SHISA6: variants seen among roughly 807,000 people sequenced by gnomAD.
The protein encoded by SHISA6 is shisa family member 6.
In SHISA6, 22 loss-of-function variants were observed where a neutral mutation model predicts 47.9. The ratio of observed to expected loss-of-function variants is 0.46; its 90% CI spans 0.33 to 0.66. The LOEUF is 0.66. Ranked by LOEUF, SHISA6 falls within the 30% of genes least tolerant of loss-of-function variation. The pLI, the probability that SHISA6 is intolerant of heterozygous loss-of-function variation, is 0.02. For synonymous variants in SHISA6, 388 were observed against 337.8 expected (o/e 1.15, Z -1.63); for missense variants, 680 against 764.6 (o/e 0.89, Z 1.30).
Position 11,423,255 on chromosome 17 carries a change from A to ATAAT in SHISA6, c.895+43746_895+43747insTAAT, listed in dbSNP as rs1555534323. On this transcript the variant is annotated intron_variant, in intron 3 of 5. Coordinates refer to ENST00000441885, the MANE Select transcript of SHISA6 (RefSeq NM_207386.4). ...TGTGTGTGTGTATATATATATATAT[A>ATAAT]ATATATATATATATGGCAGTAACAT... Among the ~76,000 whole-genome samples the ATAAT allele has an allele frequency of 7.8e-3, 1,121 of 144,000 alleles. 17 individuals carry two copies. The highest frequency in any genetic ancestry group is 0.027 in the African/African-American group (1,064 of 38,928). 94.5% of individuals were successfully genotyped at this position (144,000 alleles called of 152,430 possible). A position where few individuals can be genotyped will look rare whatever the true frequency, so the allele number is the denominator to read the frequency against.
At chr17:11,282,320 A>G (rs569796333) in intron 2 of SHISA6, among the ~76,000 whole-genome samples, 37 of 152,152 alleles carry the variant, frequency 2.4e-4, no homozygotes, top group Admixed American at 2.6e-4. Flanking sequence ...GCGATTCAAC[A>G]AGATCGAAAG....
intron 3 of SHISA6, among the ~76,000 whole-genome samples, chr17:11,430,826 G>T (rs1321173665): frequency 3.3e-5 from 5 of 152,176 alleles, no homozygotes; most frequent in Non-Finnish European, 7.3e-5. Context: ...GAACAGCAAA[G>T]AACACAAAGA....
intron 3 of SHISA6, among the ~76,000 whole-genome samples, chr17:11,475,278 T>C (rs1043899171): frequency 2.0e-5 from 3 of 152,300 alleles, no homozygotes; most frequent in East Asian, 1.9e-4. Flanking sequence ...TTTGTTTCCT[T>C]CTCTTGTCTT....
At position 11,544,743 on chromosome 17, in the gene SHISA6, G is replaced by A. The variant is rs112447196; in HGVS notation, c.896-7153G>A. ...TGGGAGGCCAAGGCGGGTGGATCACGAGGTCAGGAGATTGCGACCATCCTG... is the reference window on the plus strand; with the variant it reads ...TGGGAGGCCAAGGCGGGTGGATCACAAGGTCAGGAGATTGCGACCATCCTG... On this transcript the variant is annotated intron_variant, in intron 3 of 5. Transcript: ENST00000441885. Among the ~76,000 whole-genome samples the A allele has an allele frequency of 4.4e-3, 663 of 152,020 alleles. 3 individuals are homozygous for A. The highest frequency in any genetic ancestry group is 0.015 in the African/African-American group (626 of 41,494).
At chr17:11,290,843 T>C (rs1567562415) in intron 2 of SHISA6, 1 of 152,064 alleles carries the variant, frequency 6.6e-6, no homozygotes, top group South Asian at 2.1e-4. Flanking sequence ...GATACTGATA[T>C]GTGAGGGTTT....
intron 3 of SHISA6, among the ~76,000 whole-genome samples, chr17:11,546,718 G>A (rs563647256): frequency 1.3e-5 from 2 of 152,276 alleles, no homozygotes; most frequent in East Asian, 1.9e-4. Context: ...TCAGGAGTTT[G>A]AGACCAGCCT....
At chr17:11,506,582 T>A (rs1436970074) in intron 3 of SHISA6, among the ~76,000 whole-genome samples, 1 of 152,182 alleles carries the variant, frequency 6.6e-6, no homozygotes, top group Non-Finnish European at 1.5e-5. Context: ...CACGCTATTA[T>A]GATGAGGTCT....
In SHISA6 at chr17:11,332,345, G is replaced by A. The variant is rs1043610876; in HGVS notation, c.800-47069G>A. Among the ~76,000 whole-genome samples the A allele has an allele frequency of 5.9e-5, 9 of 152,038 alleles. No individual in the cohort carries two copies. The East Asian group carries it at 9.6e-4, about 16-fold the overall frequency. The stretch of plus-strand genomic sequence containing the variant: ...TTATAGCAGCTCTCTGCTACCCTGC[G>A]TACCATAGACTGGGGACAACTTGCT... On this transcript the variant is annotated intron_variant, in intron 2 of 5. Transcript: ENST00000441885.
Position 11,555,887 on chromosome 17 carries a change from G to T in SHISA6, c.1100G>T (p.Arg367Met), listed in dbSNP as rs2071973846. The T allele has an allele frequency of 6.6e-7, 1 of 1,524,198 alleles. No individual in the cohort carries two copies. The highest frequency in any genetic ancestry group is 2.5e-5 in the East Asian group (1 of 40,332). 94.4% of individuals were successfully genotyped at this position (1,524,198 alleles called of 1,614,324 possible). A position where few individuals can be genotyped will look rare whatever the true frequency, so the allele number is the denominator to read the frequency against. The change falls in exon 5 of 6, where the codon AGG (arginine) becomes ATG (methionine). Residue 367 changes from arginine to methionine, a missense_variant. Physicochemically the swap from Arg to Met is moderately conservative, Grantham distance 91. This residue lies in a region of SHISA6 where 559 missense variants were observed against 674.1 expected (regional missense o/e 0.83). Transcript: ENST00000441885. ...CCCAGCAAGTATTCATCTCTGAAGA[G>T]GCTAAGTAAGTTGAATTTCCCCCAA... ...TNPSKYSSLKRLTDKEADEYY... is the reference protein window; with the variant it reads ...TNPSKYSSLKMLTDKEADEYY...
intron 3 of SHISA6, among the ~76,000 whole-genome samples, chr17:11,481,615 C>G (rs1046505618): frequency 4.6e-5 from 7 of 151,442 alleles, no homozygotes. Flanking sequence ...GCCTTAGCCT[C>G]CAGAGTAGCT....
intron 3 of SHISA6, among the ~76,000 whole-genome samples, chr17:11,532,364 T>A (rs1394384302): frequency 6.6e-6 from 1 of 152,184 alleles, no homozygotes; most frequent in East Asian, 1.9e-4. Context: ...AGAGCATGTG[T>A]GAGCTCTGAG....
At chr17:11,532,836 G>A (rs554005100) in intron 3 of SHISA6, among the ~76,000 whole-genome samples, 2 of 144,988 alleles carry the variant, frequency 1.4e-5, no homozygotes, top group Admixed American at 7.3e-5. Context: ...GATCTCCAGG[G>A]TCTCCCTGAG....
chr17:11,473,924 A>G (rs1035825010), intron 3 of SHISA6, among the ~76,000 whole-genome samples: 4 of 151,900 alleles, frequency 2.6e-5, no homozygotes, highest in African/African-American at 4.8e-5. Flanking sequence ...TCATCCCCCA[A>G]CAGGCCCCAG....
chr17:11,491,352 G>T (rs937893461), intron 3 of SHISA6, among the ~76,000 whole-genome samples: 1 of 152,112 alleles, frequency 6.6e-6, no homozygotes, highest in Non-Finnish European at 1.5e-5. Context: ...TGCAGTGGGC[G>T]GTGGGAGGGA....
At chr17:11,352,792 G>A (rs376225135) in intron 2 of SHISA6, among the ~76,000 whole-genome samples, 5 of 152,172 alleles carry the variant, frequency 3.3e-5, no homozygotes, top group African/African-American at 9.7e-5. Context: ...TACTTTCTCC[G>A]TTGCAAACAG....
At chr17:11,430,697 A>C (rs1199311441) in intron 3 of SHISA6, among the ~76,000 whole-genome samples, 1 of 152,114 alleles carries the variant, frequency 6.6e-6, no homozygotes, top group African/African-American at 2.4e-5. Flanking sequence ...TCTGCCTACC[A>C]ACCGACTTCT....
At chr17:11,378,328 CTT>C (rs1912883732) in intron 2 of SHISA6, among the ~76,000 whole-genome samples, 1 of 150,166 alleles carries the variant, frequency 6.7e-6, no homozygotes, top group Admixed American at 6.6e-5. Flanking sequence ...TTTTTTCTAT[CTT>C]GTGTGTGTGT....
intron 3 of SHISA6, among the ~76,000 whole-genome samples, chr17:11,451,069 G>A (rs1249567826): frequency 1.3e-5 from 2 of 151,626 alleles, no homozygotes; most frequent in South Asian, 2.1e-4. Context: ...AGAGGAAAGA[G>A]GTCAGACTGT....
chr17:11,364,431 T>C (rs1304757129), intron 2 of SHISA6, among the ~76,000 whole-genome samples: 1 of 152,246 alleles, frequency 6.6e-6, no homozygotes, highest in Non-Finnish European at 1.5e-5. Flanking sequence ...CATTTTTTTG[T>C]GTGTTTGGCT....
Sources: gnomAD v4.1 joint callset for allele counts (sites outside exome capture counted in the v4.1 genomes callset) on GRCh38, gnomAD v4.1.1 for gene constraint, gnomAD v4.1.1 regional missense constraint, MANE v1.5 for transcripts, NCBI Gene and HGNC (gene_info 2026-07-23, HGNC 2026-07-21) for gene names.